KIZ: variants seen among roughly 807,000 people sequenced by gnomAD.
KIZ encodes the protein kizuna centrosomal protein.
In KIZ, 68 loss-of-function variants were observed where a neutral mutation model predicts 79.6. The observed-to-expected ratio is 0.85, with a 90% CI of 0.70 to 1.05. KIZ has a LOEUF of 1.05. Among genes scored for constraint, KIZ ranks in the 50% least tolerant of loss-of-function variants. KIZ has a pLI of 0.00. For missense variants in KIZ, 797 were observed against 800.4 expected (o/e 1.00, Z 0.05); for synonymous variants, 280 against 281.8 (o/e 0.99, Z 0.06).
At chr20:21,190,096 TC>T (rs1326465097) in intron 6 of KIZ, among the ~76,000 whole-genome samples, 8 of 152,238 alleles carry the variant, frequency 5.3e-5, no homozygotes, top group African/African-American at 1.9e-4. Flanking sequence ...ATACAGCTGT[TC>T]CAGCCATCGG....
chr20:21,201,564 T>G (rs937688842), intron 6 of KIZ, among the ~76,000 whole-genome samples: 2 of 152,236 alleles, frequency 1.3e-5, no homozygotes, highest in Non-Finnish European at 2.9e-5. Flanking sequence ...TTCAGGGTAT[T>G]TATTACTCTG....
chr20:21,162,270 A>G lies in KIZ; in HGVS notation c.805A>G (p.Lys269Glu). Reference sequence around the variant, plus strand: ...TGGCAAGAGTAATTTATCTGAAGGCAAAAAGTCTGCTGAACTCAATTCCCC... The same window carrying G: ...TGGCAAGAGTAATTTATCTGAAGGCGAAAAGTCTGCTGAACTCAATTCCCC... ...RHGKSNLSEG[K>E]KSAELNSPLR... The change falls in exon 5 of 13, where the codon AAA becomes GAA. Residue 269 changes from lysine to glutamate, a missense_variant. Coordinates refer to ENST00000619189, the MANE Select transcript of KIZ (RefSeq NM_018474.6). 6.2e-7 allele frequency: 1 copy of G among 1,613,960 alleles called. No individual in the cohort carries two copies. The highest frequency in any genetic ancestry group is 8.5e-7 in the Non-Finnish European group (1 of 1,179,818).
intron 6 of KIZ, among the ~76,000 whole-genome samples, chr20:21,183,332 C>T (rs1178528652): frequency 1.3e-5 from 2 of 152,158 alleles, no homozygotes; most frequent in Non-Finnish European, 2.9e-5. Context: ...TCTGAGTATA[C>T]TAATAAAAAC....
At position 21,163,150 on chromosome 20, in the gene KIZ, C is replaced by T. The variant is rs764579887; in HGVS notation, c.1343C>T (p.Pro448Leu). The T allele has an allele frequency of 1.2e-6, 2 of 1,605,000 alleles. No individual in the cohort carries two copies. The highest frequency in any genetic ancestry group is 1.7e-6 in the Non-Finnish European group (2 of 1,175,814). ...DSEKESSTNA[P>L]TREPGQTPDS... is the part of the protein sequence containing the mutation. ...GAAAAGGAATCCTCCACTAACGCAC[C>T]AACAAGAGAGTAAGCCATTCAATTT... The change falls in exon 6 of 13, where the codon CCA (proline) becomes CTA (leucine). Residue 448 changes from proline to leucine, a missense_variant. Pro to Leu is a moderately conservative substitution (Grantham distance 98). Coordinates refer to ENST00000619189, the MANE Select transcript of KIZ (RefSeq NM_018474.6).
chr20:21,126,377 C>G (rs955495852), intron 1 of KIZ, among the ~76,000 whole-genome samples, 173 bp downstream of exon 1: 7 of 152,048 alleles, frequency 4.6e-5, no homozygotes, highest in Admixed American at 2.6e-4. Flanking sequence ...TAGAGCCACC[C>G]CCTGTATTGG....
chr20:21,163,247 C>T (rs1341487503), intron 6 of KIZ, 88 bp downstream of exon 6: 1 of 892,758 alleles, frequency 1.1e-6, no homozygotes, highest in Non-Finnish European at 1.7e-6. Flanking sequence ...TATTATCGAG[C>T]ACTCAGCCAT....
chr20:21,155,587 A>T (rs935469526), intron 4 of KIZ, among the ~76,000 whole-genome samples: 1 of 152,178 alleles, frequency 6.6e-6, no homozygotes, highest in African/African-American at 2.4e-5. Context: ...TGATGAAAAA[A>T]ATGTTCCAAA....
chr20:21,219,117 T>G (rs2036409345), intron 9 of KIZ, among the ~76,000 whole-genome samples: 1 of 152,158 alleles, frequency 6.6e-6, no homozygotes, highest in South Asian at 2.1e-4. Flanking sequence ...GAGGGGGTCC[T>G]GGGGATGTTT....
At chr20:21,197,849 A>G (rs1296339060) in intron 6 of KIZ, 1 of 152,128 alleles carries the variant, frequency 6.6e-6, no homozygotes, top group African/African-American at 2.4e-5. Context: ...TAGGCTCTGT[A>G]ATCACAATGG....
In KIZ at chr20:21,163,092, T is replaced by C; in HGVS notation, c.1285T>C (p.Cys429Arg). Residue 429 changes from cysteine (C) to arginine (R), a missense_variant, in exon 6 of 13, where the codon TGT becomes CGT. By Grantham distance (180) the Cys-to-Arg change is radical (BLOSUM62 -3). Transcript: ENST00000619189. ...AGTTGCCCTATCCACTGAAAAAAATTGTATTTTGCAAACCCTAAGCTCTCC... is the reference window on the plus strand; with the variant it reads ...AGTTGCCCTATCCACTGAAAAAAATCGTATTTTGCAAACCCTAAGCTCTCC... ...ERVALSTEKN[C>R]ILQTLSSPDS... 1 of 1,613,872 alleles carries C rather than the reference T, an allele frequency of 6.2e-7. No homozygotes were observed. The highest frequency in any genetic ancestry group is 8.5e-7 in the Non-Finnish European group (1 of 1,179,782).
At position 21,208,591 on chromosome 20, in the gene KIZ, TA is replaced by T. The variant is rs1212546635; in HGVS notation, c.1446+3008del. ...GCTGGCGGGCGCCTGTAGTCCCAGCTACTTAGGAGGCTGAGGCAGGAGAATG... is the reference window on the plus strand; with the variant it reads ...GCTGGCGGGCGCCTGTAGTCCCAGCTCTTAGGAGGCTGAGGCAGGAGAATG... On this transcript the variant is annotated intron_variant, in intron 7 of 12. Transcript: ENST00000619189. 2.0e-5 allele frequency among the ~76,000 whole-genome samples: 3 copies of T among 151,866 alleles called. No homozygotes were observed. In the East Asian group the frequency reaches 5.8e-4, roughly 29 times the overall value.
At chr20:21,126,027 C>G (rs905190563), upstream of KIZ, 1 of 1,356,804 alleles carries the variant, frequency 7.4e-7, no homozygotes, top group African/African-American at 1.5e-5. Flanking sequence ...GCGGTGTTTA[C>G]CCGCGGTGCA....
chr20:21,181,085 AT>A (rs2034636700), intron 6 of KIZ, among the ~76,000 whole-genome samples: 1 of 152,206 alleles, frequency 6.6e-6, no homozygotes, highest in African/African-American at 2.4e-5. Flanking sequence ...ATCATTCCAG[AT>A]TTTGAGGGCT....
At chr20:21,241,362 G>C (rs1032647951) in intron 11 of KIZ, among the ~76,000 whole-genome samples, 1 of 152,198 alleles carries the variant, frequency 6.6e-6, no homozygotes, top group Non-Finnish European at 1.5e-5. Flanking sequence ...CCTTAGATAC[G>C]AGAGTGGAGA....
rs532984240 is a variant in KIZ at position 21,215,630 on chromosome 20, G to T, written c.1660G>T (p.Ala554Ser). The change falls in exon 9 of 13, where the codon GCA becomes TCA. Residue 554 changes from alanine (A) to serine (S), a missense_variant. Physicochemically the swap from Ala to Ser is moderately conservative, Grantham distance 99. Transcript: ENST00000619189. ...GDKSKKENVA[A>S]DIPITETEAY... ...CAAGAGCAAGAAAGAAAATGTGGCT[G>T]CAGATATCCCAATCACAGGTAAAGC... The T allele has an allele frequency of 2.1e-4, 335 of 1,605,050 alleles. 6 individuals are homozygous for T. In the South Asian group the frequency reaches 3.5e-3, roughly 17 times the overall value.
At chr20:21,171,816 T>G (rs1280546341) in intron 6 of KIZ, among the ~76,000 whole-genome samples, 1 of 152,218 alleles carries the variant, frequency 6.6e-6, no homozygotes, top group East Asian at 1.9e-4. Context: ...TAGCTGGAAC[T>G]CTCACTATGG....
intron 6 of KIZ, among the ~76,000 whole-genome samples, chr20:21,177,814 A>C (rs2034497401): frequency 6.6e-6 from 1 of 151,992 alleles, no homozygotes; most frequent in African/African-American, 2.4e-5. Flanking sequence ...TTCTCCCAAT[A>C]CCGTATGTTA....
Position 21,215,661 on chromosome 20 carries a change from T to C in KIZ, c.1678+13T>C. 1 of 1,578,408 alleles carries C rather than the reference T, an allele frequency of 6.3e-7. No individual in the cohort carries two copies. The stretch of plus-strand genomic sequence containing the variant: ...ATCCCAATCACAGGTAAAGCTATGG[T>C]TGCCTAAGAGTTTCAGACACAAGAT... On this transcript the variant is annotated intron_variant, in intron 9 of 12. Coordinates refer to ENST00000619189, the MANE Select transcript of KIZ (RefSeq NM_018474.6).
At chr20:21,126,620 A>G (rs899620581) in intron 1 of KIZ, among the ~76,000 whole-genome samples, 1 of 152,174 alleles carries the variant, frequency 6.6e-6, no homozygotes, top group African/African-American at 2.4e-5. Flanking sequence ...CACTGCATCA[A>G]TGATGACAAG....
Sources: gnomAD v4.1 joint callset for allele counts (sites outside exome capture counted in the v4.1 genomes callset) on GRCh38, gnomAD v4.1.1 for gene constraint, MANE v1.5 for transcripts, NCBI Gene and HGNC (gene_info 2026-07-23, HGNC 2026-07-21) for gene names.